FBXL13: variants seen among roughly 807,000 people sequenced by gnomAD.
FBXL13 encodes F-box and leucine-rich repeat protein 13.
Under a neutral mutation model 83.6 loss-of-function variants are expected in FBXL13, and 67 were observed. That is an observed-to-expected ratio of 0.80 (90% CI 0.66 to 0.98). The LOEUF (loss-of-function observed/expected upper bound fraction) is 0.98, where lower values mean the gene tolerates loss of function less well. FBXL13 is among the 50% of genes least tolerant of loss of function. FBXL13 has a pLI of 0.00. For synonymous variants in FBXL13, 272 were observed against 299.5 expected, an observed-to-expected ratio of 0.91 and a Z score of 0.95; for missense variants, 822 against 866.5, an observed-to-expected ratio of 0.95 and a Z score of 0.64.
chr7:102,960,327 T>C (rs1824981433), intron 8 of FBXL13, among the ~76,000 whole-genome samples: 1 of 151,984 alleles, frequency 6.6e-6, no homozygotes, highest in Non-Finnish European at 1.5e-5. Flanking sequence ...GGAGCTGAAA[T>C]TGTGGCAATA....
chr7:102,818,487 T>C (rs146287035), intron 19 of FBXL13, among the ~76,000 whole-genome samples: 21 of 152,348 alleles, frequency 1.4e-4, no homozygotes, highest in African/African-American at 4.3e-4. Context: ...TATTTGTTCA[T>C]ACTGATAATA....
chr7:102,981,329 C>T (rs578245746), intron 6 of FBXL13, among the ~76,000 whole-genome samples: 6 of 152,104 alleles, frequency 3.9e-5, no homozygotes, highest in East Asian at 1.9e-4. Flanking sequence ...AATCTGGCTC[C>T]GAATTTCCTA....
chr7:102,832,872 G>A (rs759174537), exon 18 of FBXL13: 1 of 1,614,210 alleles, frequency 6.2e-7, no homozygotes, highest in Admixed American at 1.7e-5. Flanking sequence ...AGAGATGTGA[G>A]GTTAATGCAG....
chr7:103,063,314 A>T (rs1215370768), intron 1 of FBXL13, among the ~76,000 whole-genome samples: 2 of 152,246 alleles, frequency 1.3e-5, no homozygotes, highest in Non-Finnish European at 2.9e-5. Flanking sequence ...TAAATGAAAC[A>T]GTATACCATC....
intron 18 of FBXL13, chr7:102,827,209 C>T (rs74706209): frequency 0.02 from 9,022 of 447,764 alleles, 415 homozygotes; most frequent in East Asian, 0.16. Context: ...AGCTAGCTTG[C>T]TGGAGGATGA....
intron 11 of FBXL13, among the ~76,000 whole-genome samples, chr7:102,896,045 T>C (rs1286240752): frequency 6.6e-6 from 1 of 152,204 alleles, no homozygotes; most frequent in Non-Finnish European, 1.5e-5. Flanking sequence ...CCCTGCAGCA[T>C]GAGCCTGCTT....
At chr7:102,976,901 C>CT (rs1827550158) in intron 6 of FBXL13, among the ~76,000 whole-genome samples, 1 of 152,150 alleles carries the variant, frequency 6.6e-6, no homozygotes, top group South Asian at 2.1e-4. Flanking sequence ...AGCTCCTAAC[C>CT]CATATACTTT....
intron 19 of FBXL13, among the ~76,000 whole-genome samples, chr7:102,819,586 G>T (rs1163247918): frequency 1.3e-5 from 2 of 152,094 alleles, no homozygotes; most frequent in Non-Finnish European, 2.9e-5. Flanking sequence ...GGCTGTAATT[G>T]GACCTTAAGG....
At chr7:102,869,815 T>C (rs572332280) in intron 16 of FBXL13, among the ~76,000 whole-genome samples, 79 of 152,344 alleles carry the variant, frequency 5.2e-4, no homozygotes, top group Non-Finnish European at 1.0e-3. Context: ...CTGGTTTCTC[T>C]ATTCTGTTCC....
At chr7:102,892,025 A>C (rs577309844) in intron 11 of FBXL13, among the ~76,000 whole-genome samples, 4 of 152,350 alleles carry the variant, frequency 2.6e-5, no homozygotes, top group African/African-American at 9.6e-5. Context: ...CCACATGCTC[A>C]CCCAGGTCCA....
chr7:102,893,495 G>C (rs186266416), intron 11 of FBXL13, among the ~76,000 whole-genome samples: 2 of 152,196 alleles, frequency 1.3e-5, no homozygotes, highest in African/African-American at 4.8e-5. Context: ...GGCTGGGCGC[G>C]GTGGCTCGCG....
intron 17 of FBXL13, among the ~76,000 whole-genome samples, chr7:102,839,272 C>T (rs76165167): frequency 0.21 from 32,030 of 152,100 alleles, 3,977 homozygotes; most frequent in East Asian, 0.59. Context: ...TTCTCCCCAC[C>T]ATCACCCTGC....
At chr7:103,065,559 A>G (rs1056607665) in intron 1 of FBXL13, among the ~76,000 whole-genome samples, 7 of 152,208 alleles carry the variant, frequency 4.6e-5, no homozygotes, top group Admixed American at 2.0e-4. Context: ...CTATCTCATA[A>G]AGAGATTCTA....
At chr7:103,072,801 T>A (rs1799102450) in intron 1 of FBXL13, among the ~76,000 whole-genome samples, 1 of 152,264 alleles carries the variant, frequency 6.6e-6, no homozygotes, top group African/African-American at 2.4e-5. Flanking sequence ...CAGTATGATA[T>A]CCTTTTCTCA....
chr7:103,048,767 A>G (rs1439381554), intron 2 of FBXL13, among the ~76,000 whole-genome samples: 1 of 152,162 alleles, frequency 6.6e-6, no homozygotes, highest in East Asian at 1.9e-4. Context: ...TTCTTTTACA[A>G]ATTTTTACAA....
intron 2 of FBXL13, among the ~76,000 whole-genome samples, chr7:103,037,909 T>C (rs540954289): frequency 2.0e-5 from 3 of 151,986 alleles, no homozygotes; most frequent in South Asian, 4.2e-4. Context: ...ATTTCTGCAT[T>C]TCCAGCTGAG....
intron 6 of FBXL13, among the ~76,000 whole-genome samples, chr7:102,984,732 TA>T (rs1828737960): frequency 6.6e-6 from 1 of 152,216 alleles, no homozygotes; most frequent in African/African-American, 2.4e-5. Context: ...CTAGGAATTT[TA>T]TTTTAATTAT....
intron 18 of FBXL13, 118 bp from the exon 20 acceptor site, chr7:102,822,321 A>C (rs1584436558): frequency 2.1e-6 from 2 of 942,838 alleles, no homozygotes. Context: ...TAAACATCAA[A>C]CATTTATTTC....
At chr7:103,038,041 C>T (rs745376666) in intron 2 of FBXL13, among the ~76,000 whole-genome samples, 3 of 152,126 alleles carry the variant, frequency 2.0e-5, no homozygotes, top group Admixed American at 6.5e-5. Context: ...TTTCCCTTTC[C>T]AAGCCAAGGG....
Sources: gnomAD v4.1 joint callset for allele counts (sites outside exome capture counted in the v4.1 genomes callset) on GRCh38, gnomAD v4.1.1 for gene constraint, MANE v1.5 for transcripts, NCBI Gene and HGNC (gene_info 2026-07-23, HGNC 2026-07-21) for gene names.